Variants in AOPEP observed in about 807,000 individuals in gnomAD.
AOPEP encodes the protein aminopeptidase O.
In AOPEP, 77 loss-of-function variants were observed where a neutral mutation model predicts 98.1. The observed-to-expected ratio is 0.78, with a 90% CI of 0.65 to 0.95. The LOEUF (loss-of-function observed/expected upper bound fraction) is 0.95, where lower values mean the gene tolerates loss of function less well. Ranked by LOEUF, AOPEP falls within the 40% of genes least tolerant of loss-of-function variation. AOPEP has a pLI of 0.00. For synonymous variants in AOPEP, 346 were observed against 365.3 expected, an observed-to-expected ratio of 0.95 and a Z score of 0.60; for missense variants, 1,024 against 1,024.7, an observed-to-expected ratio of 1.00 and a Z score of 0.01.
the AOPEP span, among the ~76,000 whole-genome samples, chr9:95,115,957 ACTT>A: frequency 6.6e-6 from 1 of 152,240 alleles, no homozygotes; most frequent in Admixed American, 6.5e-5. Flanking sequence ...ACTAAAAAAC[ACTT>A]CTTCAATCTG....
chr9:94,859,621 A>G lies in AOPEP; in HGVS notation c.1364+58619A>G, dbSNP rs145301542. On this transcript the variant is annotated intron_variant, in intron 5 of 16. Transcript: ENST00000375315. ...TGTTTTTCAGCCTTTCACAGACTCTATTTGTTCCATATGAATCAAGTAAGC... is the reference window on the plus strand; with the variant it reads ...TGTTTTTCAGCCTTTCACAGACTCTGTTTGTTCCATATGAATCAAGTAAGC... Among the ~76,000 whole-genome samples the G allele has an allele frequency of 7.4e-3, 1,124 of 152,230 alleles. 4 individuals carry two copies. The highest frequency in any genetic ancestry group is 0.01 in the Non-Finnish European group (710 of 67,996).
chr9:94,738,222 G>A (rs1023739778), intron 1 of AOPEP, among the ~76,000 whole-genome samples: 2 of 152,180 alleles, frequency 1.3e-5, no homozygotes, highest in Non-Finnish European at 2.9e-5. Flanking sequence ...CCTTCTCTAA[G>A]GTTTCTGAAT....
chr9:95,058,725 T>TG (rs1274005699), intron 13 of AOPEP, among the ~76,000 whole-genome samples: 2 of 151,782 alleles, frequency 1.3e-5, no homozygotes, highest in Non-Finnish European at 2.9e-5. Flanking sequence ...TGAGGTGAAG[T>TG]GGGGAGAGCC....
At chr9:95,096,239 C>G in the AOPEP span, among the ~76,000 whole-genome samples, 1 of 152,102 alleles carries the variant, frequency 6.6e-6, no homozygotes, top group Admixed American at 6.5e-5. Context: ...TACATGTACA[C>G]GTGATTTACT....
intron 5 of AOPEP, among the ~76,000 whole-genome samples, chr9:94,858,740 C>T (rs914309052): frequency 2.6e-5 from 4 of 152,032 alleles, no homozygotes; most frequent in African/African-American, 9.7e-5. Context: ...CTCATTAATG[C>T]TATAAGTGCT....
At chr9:94,877,966 C>T (rs2047153119) in intron 5 of AOPEP, among the ~76,000 whole-genome samples, 1 of 152,052 alleles carries the variant, frequency 6.6e-6, no homozygotes. Flanking sequence ...GTTTCCACTC[C>T]CTCCTCCTTT....
intron 7 of AOPEP, among the ~76,000 whole-genome samples, chr9:94,938,559 C>T (rs1368833946): frequency 6.6e-6 from 1 of 151,972 alleles, no homozygotes. Flanking sequence ...AGGAGCAAAG[C>T]CTGGTAGGCA....
chr9:94,890,394 C>G (rs140042408), intron 5 of AOPEP, among the ~76,000 whole-genome samples: 8,177 of 151,086 alleles, frequency 0.054, 755 homozygotes, highest in African/African-American at 0.19. Flanking sequence ...AACTCCTGAC[C>G]TCAGGTGATC....
chr9:94,824,957 A>C (rs901690476), intron 5 of AOPEP, among the ~76,000 whole-genome samples: 4 of 147,040 alleles, frequency 2.7e-5, no homozygotes, highest in African/African-American at 1.0e-4. Flanking sequence ...GTTTCAATTT[A>C]ACAGAAACAA....
chr9:95,016,021 C>T (rs764005531), intron 13 of AOPEP, among the ~76,000 whole-genome samples: 5 of 151,908 alleles, frequency 3.3e-5, no homozygotes, highest in African/African-American at 7.3e-5. Context: ...GATCTTTTAT[C>T]TTTGGCTCAT....
intron 5 of AOPEP, among the ~76,000 whole-genome samples, chr9:94,888,633 C>A (rs1451251869): frequency 1.3e-5 from 2 of 152,000 alleles, no homozygotes; most frequent in Non-Finnish European, 2.9e-5. Flanking sequence ...TGGAGTGAAA[C>A]TTTAATAAGT....
the AOPEP span, among the ~76,000 whole-genome samples, chr9:95,093,218 G>A: frequency 1.3e-5 from 2 of 152,232 alleles, no homozygotes; most frequent in African/African-American, 4.8e-5. Context: ...GCGTACAGGA[G>A]GAAAGCCATG....
chr9:94,790,723 A>G (rs577619126), intron 3 of AOPEP, among the ~76,000 whole-genome samples: 1 of 152,220 alleles, frequency 6.6e-6, no homozygotes, highest in South Asian at 2.1e-4. Flanking sequence ...CAAAGGAACC[A>G]TGCACGTGGA....
At chr9:94,750,982 C>T (rs1030146368) in intron 1 of AOPEP, among the ~76,000 whole-genome samples, 1 of 151,910 alleles carries the variant, frequency 6.6e-6, no homozygotes, top group Non-Finnish European at 1.5e-5. Context: ...CTCCTGACCT[C>T]GTGATCCGCC....
intron 2 of AOPEP, among the ~76,000 whole-genome samples, chr9:94,761,046 C>A (rs1444054236): frequency 6.6e-6 from 1 of 152,218 alleles, no homozygotes; most frequent in Admixed American, 6.5e-5. Flanking sequence ...TTTGTGCCTT[C>A]CTTACCGTAC....
chr9:94,991,752 A>G (rs1440152506), intron 11 of AOPEP, among the ~76,000 whole-genome samples: 2 of 152,216 alleles, frequency 1.3e-5, no homozygotes, highest in African/African-American at 4.8e-5. Context: ...TGTCATGGAT[A>G]TACATGCCCC....
At chr9:94,883,806 A>T (rs754743343) in intron 5 of AOPEP, among the ~76,000 whole-genome samples, 14 of 152,228 alleles carry the variant, frequency 9.2e-5, no homozygotes, top group Non-Finnish European at 1.6e-4. Flanking sequence ...AATGTTAAAC[A>T]TAAGTTGAGG....
At chr9:94,970,813 C>T (rs572784076) in intron 10 of AOPEP, among the ~76,000 whole-genome samples, 37 of 151,654 alleles carry the variant, frequency 2.4e-4, no homozygotes, top group Non-Finnish European at 3.8e-4. Flanking sequence ...TCCTTTTCTT[C>T]GTACCTACCC....
At position 94,924,109 on chromosome 9, in the gene AOPEP, G is replaced by A. The variant is rs918261816; in HGVS notation, c.1488G>A (p.Thr496=). The change falls in exon 6 of 17, where the codon ACG becomes ACA. Residue 496 remains threonine (T), a synonymous_variant. Transcript: ENST00000375315. ...FGLAIGARDW[T]EEWLSEGFAT... Reference sequence around the variant, plus strand: ...TAGCCATCGGGGCCCGAGACTGGACGGAGGAGTGGCTGAGTGAAGGCTTCG... The same window carrying A: ...TAGCCATCGGGGCCCGAGACTGGACAGAGGAGTGGCTGAGTGAAGGCTTCG... The A allele has an allele frequency of 8.6e-6, 13 of 1,511,288 alleles. No homozygotes were observed. The highest frequency in any genetic ancestry group is 4.4e-5 in the Admixed American group (2 of 45,620). The allele number at this position is 1,511,288 out of a possible 1,614,324, so 93.6% of individuals were successfully genotyped here.
Sources: allele counts gnomAD v4.1 joint callset (sites outside exome capture counted in the v4.1 genomes callset), GRCh38; gene constraint gnomAD v4.1.1; transcripts MANE v1.5; gene names NCBI Gene and HGNC (gene_info 2026-07-23, HGNC 2026-07-21).